The following NCAPG2 variants were observed in gnomAD, a reference collection of about 807,000 sequenced individuals.
NCAPG2 encodes the protein condensin-2 complex subunit G2.
A neutral mutation model predicts 141.1 loss-of-function variants in NCAPG2; 53 were observed. That is an observed-to-expected ratio of 0.38 (90% confidence interval 0.30 to 0.47). The LOEUF (loss-of-function observed/expected upper bound fraction) is 0.47, where lower values mean the gene tolerates loss of function less well. Ranked by LOEUF, NCAPG2 falls within the 20% of genes least tolerant of loss-of-function variation. The pLI is 0.99. For missense variants in NCAPG2, 1,087 were observed against 1,389.0 expected (o/e 0.78, Z 3.46); for synonymous variants, 499 against 490.7 (o/e 1.02, Z -0.22).
At chr7:158,701,669 G>C (rs1381208651) in intron 2 of NCAPG2, among the ~76,000 whole-genome samples, 153 bp downstream of exon 2, 1 of 152,186 alleles carries the variant, frequency 6.6e-6, no homozygotes, top group African/African-American at 2.4e-5. Context: ...AGGTAGATTT[G>C]AGTATAAAGG....
Position 158,664,588 on chromosome 7 carries a change from G to A in NCAPG2, c.1642C>T (p.His548Tyr), listed in dbSNP as rs1405337032. Residue 548 changes from histidine (H) to tyrosine (Y), a missense_variant, in exon 14 of 28, where the codon CAC becomes TAC. Physicochemically the swap from His to Tyr is moderately conservative, Grantham distance 83. Coordinates refer to ENST00000356309, the MANE Select transcript of NCAPG2 (RefSeq NM_017760.7). ...ERCVTLVQMN[H>Y]AAARRFYQYA... is the part of the protein sequence containing the mutation. ...TGATAGAACCTCCTGGCAGCGGCGT[G>A]GTTCATCTGCACCAGGGTGACACAG... is the stretch of plus-strand genomic sequence containing the variant. 6.8e-6 allele frequency: 11 copies of A among 1,614,018 alleles called. No homozygotes were observed. Among genetic ancestry groups the A allele is most frequent in the African/African-American group, 1.3e-5 (1 of 74,914 alleles).
intron 12 of NCAPG2, among the ~76,000 whole-genome samples, chr7:158,672,466 C>G (rs1179542287): frequency 6.1e-5 from 9 of 148,426 alleles, no homozygotes; most frequent in African/African-American, 1.7e-4. Flanking sequence ...CCTCAGCCCC[C>G]CAAGTAGCTG....
At chr7:158,680,345 G>T (rs1431904265) in intron 10 of NCAPG2, among the ~76,000 whole-genome samples, 1 of 152,166 alleles carries the variant, frequency 6.6e-6, no homozygotes, top group African/African-American at 2.4e-5. Flanking sequence ...AAAGATACCA[G>T]GTTGTCTGCA....
intron 1 of NCAPG2, chr7:158,703,798 CA>C (rs1391669226): frequency 1.3e-5 from 2 of 152,544 alleles, no homozygotes; most frequent in African/African-American, 4.8e-5. Flanking sequence ...CTCATGGACA[CA>C]ACAAGAGGCA....
At chr7:158,696,221 C>G (rs980851994) in intron 2 of NCAPG2, 1 of 152,262 alleles carries the variant, frequency 6.6e-6, no homozygotes, top group African/African-American at 2.4e-5. Context: ...CAGTCTCATC[C>G]TCCAGCCTTT....
intron 2 of NCAPG2, among the ~76,000 whole-genome samples, chr7:158,694,113 C>A (rs1176113379): frequency 6.6e-6 from 1 of 152,124 alleles, no homozygotes; most frequent in Non-Finnish European, 1.5e-5. Flanking sequence ...ATGAAATAAG[C>A]ATAAACGAGG....
intron 15 of NCAPG2, among the ~76,000 whole-genome samples, chr7:158,663,791 C>T (rs1324824397): frequency 6.6e-6 from 1 of 152,174 alleles, no homozygotes; most frequent in East Asian, 1.9e-4. Context: ...ACGTTATTTT[C>T]TTCTAATATA....
At chr7:158,690,990 C>T (rs917756815) in intron 4 of NCAPG2, among the ~76,000 whole-genome samples, 10 of 152,134 alleles carry the variant, frequency 6.6e-5, no homozygotes, top group Admixed American at 5.2e-4. Flanking sequence ...TCAGAGAAAT[C>T]GTATCACCAA....
intron 27 of NCAPG2, among the ~76,000 whole-genome samples, chr7:158,632,933 A>T (rs1209611305): frequency 1.3e-5 from 2 of 152,300 alleles, no homozygotes; most frequent in African/African-American, 4.8e-5. Context: ...TGAGGGCCAC[A>T]CTCAGCTTAG....
At chr7:158,669,133 G>A (rs1479445395) in intron 13 of NCAPG2, among the ~76,000 whole-genome samples, 1 of 152,176 alleles carries the variant, frequency 6.6e-6, no homozygotes, top group African/African-American at 2.4e-5. Flanking sequence ...GTATTCCATA[G>A]TATATATGTA....
intron 27 of NCAPG2, among the ~76,000 whole-genome samples, chr7:158,632,161 GA>G (rs1563481181): frequency 6.6e-6 from 1 of 152,078 alleles, no homozygotes; most frequent in Non-Finnish European, 1.5e-5. Flanking sequence ...GAAGCCTTTA[GA>G]AAAACCTCAC....
In NCAPG2 at chr7:158,665,984, TC is replaced by T. The variant is rs538986513; in HGVS notation, c.1480-1235del. Reference sequence around the variant, plus strand: ...CCAAATCCCACACGGGGCAGTTTACTCACATTCTAGCATTGGAAAGACAGAG... The same window carrying T: ...CCAAATCCCACACGGGGCAGTTTACTACATTCTAGCATTGGAAAGACAGAG... On this transcript the variant is annotated intron_variant, in intron 13 of 27. Coordinates refer to ENST00000356309, the MANE Select transcript of NCAPG2 (RefSeq NM_017760.7). 9.2e-5 allele frequency among the ~76,000 whole-genome samples: 12 copies of T among 130,306 alleles called. No individual in the cohort carries two copies. The South Asian group carries it at 3.1e-3, about 34-fold the overall frequency. 85.5% of individuals were successfully genotyped at this position (130,306 alleles called of 152,430 possible).
chr7:158,662,086 A>G, intron 16 of NCAPG2, 108 bp downstream of exon 16: 1 of 1,065,894 alleles, frequency 9.4e-7, no homozygotes, highest in South Asian at 1.9e-5. Context: ...CTCATTTTAC[A>G]GATGAGAACA....
chr7:158,671,886 T>C (rs1186628615), intron 12 of NCAPG2, among the ~76,000 whole-genome samples: 1 of 152,222 alleles, frequency 6.6e-6, no homozygotes, highest in East Asian at 1.9e-4. Flanking sequence ...ATTTGGTCCA[T>C]CCATTGTTTT....
chr7:158,702,764 A>C (rs576121942), intron 1 of NCAPG2, among the ~76,000 whole-genome samples: 72 of 152,286 alleles, frequency 4.7e-4, no homozygotes, highest in African/African-American at 1.7e-3. Flanking sequence ...TAAACATATA[A>C]TACTAGATTT....
intron 27 of NCAPG2, among the ~76,000 whole-genome samples, chr7:158,635,723 AGACAG>A (rs1830145565): frequency 8.9e-5 from 1 of 11,180 alleles, no homozygotes; most frequent in Non-Finnish European, 1.5e-4. Flanking sequence ...AGCACCCAAA[AGACAG>A]ACCAGTCAAC....
Position 158,675,492 on chromosome 7 carries a change from A to G in NCAPG2, c.1311T>C (p.Arg437=). Residue 437 remains arginine (R), a synonymous_variant, in exon 12 of 28, where the codon CGT becomes CGC. Transcript: ENST00000356309. The stretch of plus-strand genomic sequence containing the variant: ...AAAATCTTACCTTAAAGACAGAACA[A>G]CGAACATCAGCTGAGCTCGTGTCAA... The part of the protein sequence containing the change: ...LAFDTSSADV[R]CSVFKCLPMI... 4 of 1,602,452 alleles carry G rather than the reference A, an allele frequency of 2.5e-6. No individual in the cohort carries two copies. The highest frequency in any genetic ancestry group is 3.4e-6 in the Non-Finnish European group (4 of 1,177,476).
Position 158,687,462 on chromosome 7 carries a change from G to T in NCAPG2, c.673-20C>A. ...TCTTCCCTAGAAATAAAAAAGGATA[G>T]AATGTTTACATTGCAACCAAATAAA... On this transcript the variant is annotated intron_variant, in intron 6 of 27. Coordinates refer to ENST00000356309, the MANE Select transcript of NCAPG2 (RefSeq NM_017760.7). The T allele has an allele frequency of 1.3e-6, 2 of 1,539,988 alleles. No homozygotes were observed. The highest frequency in any genetic ancestry group is 1.2e-5 in the South Asian group (1 of 85,100).
At chr7:158,686,311 G>GAT in intron 7 of NCAPG2, 70 bp from the exon 8 acceptor site, 1 of 895,516 alleles carries the variant, frequency 1.1e-6, no homozygotes, top group South Asian at 1.8e-5. Context: ...TATCATTTCA[G>GAT]CTACTCTCCA....
Sources: allele counts gnomAD v4.1 joint callset (sites outside exome capture counted in the v4.1 genomes callset), GRCh38; gene constraint gnomAD v4.1.1; transcripts MANE v1.5; gene names NCBI Gene and HGNC (gene_info 2026-07-23, HGNC 2026-07-21).